Variants in SMARCC1 observed in about 807,000 individuals in gnomAD.
SMARCC1 encodes SWI/SNF related BAF chromatin remodeling complex subunit C1.
A neutral mutation model predicts 147.4 loss-of-function variants in SMARCC1; 43 were observed. That is an observed-to-expected ratio of 0.29 (90% CI 0.23 to 0.38). The LOEUF (loss-of-function observed/expected upper bound fraction) is 0.38. SMARCC1 is among the 10% of genes least tolerant of loss of function. The pLI is 1.00. For synonymous variants in SMARCC1, 495 were observed against 484.4 expected (o/e 1.02, Z -0.29); for missense variants, 1,119 against 1,381.1 (o/e 0.81, Z 3.01).
intron 21 of SMARCC1, among the ~76,000 whole-genome samples, chr3:47,643,401 A>G (rs2033074370): frequency 6.6e-6 from 1 of 152,234 alleles, no homozygotes; most frequent in Non-Finnish European, 1.5e-5. Flanking sequence ...CTCATTCAAT[A>G]ATAGAATGGA....
intron 21 of SMARCC1, among the ~76,000 whole-genome samples, chr3:47,646,849 G>A (rs1374814069): frequency 1.3e-5 from 2 of 152,116 alleles, no homozygotes; most frequent in Non-Finnish European, 2.9e-5. Flanking sequence ...CAGAGTACCT[G>A]CTCCCCACAG....
At chr3:47,657,503 T>C (rs1194350885) in intron 21 of SMARCC1, among the ~76,000 whole-genome samples, 1 of 152,038 alleles carries the variant, frequency 6.6e-6, no homozygotes, top group Non-Finnish European at 1.5e-5. Context: ...CAACAGAAAT[T>C]ACAAAGTACA....
intron 11 of SMARCC1, among the ~76,000 whole-genome samples, chr3:47,696,063 T>A (rs1449107106): frequency 2.6e-5 from 2 of 77,364 alleles, no homozygotes; most frequent in Non-Finnish European, 4.7e-5. Context: ...CAAGACGCTG[T>A]CTCAAAAAAA....
At chr3:47,654,726 G>T (rs999298918) in intron 21 of SMARCC1, among the ~76,000 whole-genome samples, 1 of 152,228 alleles carries the variant, frequency 6.6e-6, no homozygotes, top group African/African-American at 2.4e-5. Context: ...GAAACCTGAG[G>T]AGGGTCCTGA....
chr3:47,734,911 C>T (rs1303195201), intron 5 of SMARCC1, among the ~76,000 whole-genome samples: 1 of 152,186 alleles, frequency 6.6e-6, no homozygotes, highest in Non-Finnish European at 1.5e-5. Context: ...TGGCATGCCA[C>T]CATGCCCAGC....
chr3:47,715,831 C>T (rs906815483), intron 7 of SMARCC1, among the ~76,000 whole-genome samples: 1 of 152,098 alleles, frequency 6.6e-6, no homozygotes, highest in Non-Finnish European at 1.5e-5. Context: ...CCCTACTAAG[C>T]CTGCATACAC....
chr3:47,676,799 G>A lies in SMARCC1; in HGVS notation c.1572-17C>T, dbSNP rs375390984. ...GCATGGACCCTAAAGAATAAAGCTC[G>A]GAAAGTTAAAATCTAAAGAATCAAC... On this transcript the variant is annotated splice_polypyrimidine_tract_variant and intron_variant, in intron 16 of 27. Transcript: ENST00000254480. The A allele has an allele frequency of 3.5e-5, 56 of 1,608,304 alleles. No homozygotes were observed. Among genetic ancestry groups the A allele is most frequent in the Middle Eastern group, 4.0e-4 (2 of 5,060 alleles).
At chr3:47,647,782 A>G (rs754939859) in intron 21 of SMARCC1, among the ~76,000 whole-genome samples, 1 of 152,188 alleles carries the variant, frequency 6.6e-6, no homozygotes. Flanking sequence ...ACACAGTCCA[A>G]GCTCACAACC....
rs1156546558 is a variant in SMARCC1, at chr3:47,730,842, GACA to G, written c.577-1751_577-1749del. Among the ~76,000 whole-genome samples, 5 of 148,814 alleles carry G rather than the reference GACA, an allele frequency of 3.4e-5. No individual in the cohort carries two copies. The East Asian group carries it at 5.9e-4, about 18-fold the overall frequency. ...GATTGCGCCATTGCACTCCAGCCTGGACAACAAGAGCAAAATGCCATCTCAAAA... is the reference window on the plus strand; with the variant it reads ...GATTGCGCCATTGCACTCCAGCCTGGACAAGAGCAAAATGCCATCTCAAAA... On this transcript the variant is annotated intron_variant, in intron 5 of 27. Transcript: ENST00000254480.
rs532462671 is a variant in SMARCC1 at position 47,739,015 on chromosome 3, T to A, written c.402-905A>T. 3.3e-5 allele frequency among the ~76,000 whole-genome samples: 5 copies of A among 152,362 alleles called. No homozygotes were observed. The South Asian group carries it at 8.3e-4, about 25-fold the overall frequency. ...ACATTAAGTTCCCAAGCATGTCACC[T>A]CCATTTGGTAAAATCTTTACAAAGT... On this transcript the variant is annotated intron_variant, in intron 3 of 27. Transcript: ENST00000254480.
At chr3:47,757,047 T>C (rs1041880304) in intron 2 of SMARCC1, among the ~76,000 whole-genome samples, 1 of 152,010 alleles carries the variant, frequency 6.6e-6, no homozygotes, top group Non-Finnish European at 1.5e-5. Context: ...GCCCAGGAGT[T>C]TGAGATCAGC....
chr3:47,661,867 T>A (rs1362704875), intron 20 of SMARCC1, among the ~76,000 whole-genome samples: 1 of 152,188 alleles, frequency 6.6e-6, no homozygotes, highest in East Asian at 1.9e-4. Flanking sequence ...CCCATGAATA[T>A]TAAATGACTT....
At chr3:47,666,003 G>A (rs1463800397) in intron 19 of SMARCC1, among the ~76,000 whole-genome samples, 1 of 151,932 alleles carries the variant, frequency 6.6e-6, no homozygotes, top group Non-Finnish European at 1.5e-5. Context: ...CGCTGCTAGG[G>A]TGAAATATGT....
chr3:47,779,276 A>G (rs2106884823), intron 1 of SMARCC1, among the ~76,000 whole-genome samples: 1 of 152,324 alleles, frequency 6.6e-6, no homozygotes, highest in South Asian at 2.1e-4. Context: ...TGACACTAAC[A>G]AAATCATGTT....
At chr3:47,597,386 A>G (rs56746603) in intron 26 of SMARCC1, among the ~76,000 whole-genome samples, 90,354 of 151,896 alleles carry the variant, frequency 0.59, 28,153 homozygotes, top group East Asian at 0.72. Context: ...TCTGTTGCCC[A>G]GGCTGGAGTG....
chr3:47,709,123 T>C (rs2034052794), intron 9 of SMARCC1, among the ~76,000 whole-genome samples: 2 of 151,904 alleles, frequency 1.3e-5, no homozygotes, highest in South Asian at 4.2e-4. Context: ...TAGCCAGGTG[T>C]GGTGGCACGT....
intron 14 of SMARCC1, among the ~76,000 whole-genome samples, chr3:47,682,891 C>G (rs1294479555): frequency 6.6e-6 from 1 of 151,986 alleles, no homozygotes; most frequent in African/African-American, 2.4e-5. Context: ...CACATAATTG[C>G]AAAGATAACA....
At chr3:47,776,756 T>C (rs1311690200) in intron 1 of SMARCC1, among the ~76,000 whole-genome samples, 3 of 151,444 alleles carry the variant, frequency 2.0e-5, no homozygotes, top group African/African-American at 4.9e-5. Flanking sequence ...TATGTAAATA[T>C]ATAGATGTAA....
At position 47,610,158 on chromosome 3, in the gene SMARCC1, G is replaced by T; in HGVS notation, c.2951C>A (p.Ala984Glu). 1.2e-6 allele frequency: 2 copies of T among 1,614,078 alleles called. No individual in the cohort carries two copies. The highest frequency in any genetic ancestry group is 1.7e-6 in the Non-Finnish European group (2 of 1,180,026). ...AGGCATCATGCCAGGGTGCCCTGCTGCTCCAAGTGGGGCCAGGCCAGGTCC... is the reference window on the plus strand; with the variant it reads ...AGGCATCATGCCAGGGTGCCCTGCTTCTCCAAGTGGGGCCAGGCCAGGTCC... ...SGGPGLAPLGAAGHPGMMPHQ... is the reference protein window; with the variant it reads ...SGGPGLAPLGEAGHPGMMPHQ... The change falls in exon 26 of 28, where the codon GCA becomes GAA. Residue 984 changes from alanine to glutamate, a missense_variant. This residue lies in a region of SMARCC1 where 186 missense variants were observed against 216.5 expected (regional missense o/e 0.86). Coordinates refer to ENST00000254480, the MANE Select transcript of SMARCC1 (RefSeq NM_003074.4).
Sources: allele counts gnomAD v4.1 joint callset (sites outside exome capture counted in the v4.1 genomes callset), GRCh38; gene constraint gnomAD v4.1.1; regional missense constraint gnomAD v4.1.1; transcripts MANE v1.5; gene names NCBI Gene and HGNC (gene_info 2026-07-23, HGNC 2026-07-21).